The following TMEM106B variants were observed in gnomAD, a reference collection of about 807,000 sequenced individuals.
TMEM106B encodes transmembrane protein 106B.
TMEM106B carries 15 observed loss-of-function variants against 31.1 expected under a neutral mutation model. The observed-to-expected ratio is 0.48, with a 90% CI of 0.32 to 0.74. The LOEUF (loss-of-function observed/expected upper bound fraction) is 0.74, where lower values mean the gene tolerates loss of function less well. TMEM106B is among the 30% of genes least tolerant of loss of function. The pLI, the probability that TMEM106B is intolerant of heterozygous loss-of-function variation, is 0.03. For synonymous variants in TMEM106B, 126 were observed against 112.5 expected (o/e 1.12, Z -0.76); for missense variants, 283 against 327.3 (o/e 0.86, Z 1.04).
At chr7:12,223,965 C>T (rs1443382057) in intron 3 of TMEM106B, among the ~76,000 whole-genome samples, 8 of 151,982 alleles carry the variant, frequency 5.3e-5, no homozygotes, top group Admixed American at 3.3e-4. Flanking sequence ...TTGATACGCC[C>T]GCCTCAGCCT....
chr7:12,232,153 G>A lies in TMEM106B; in HGVS notation c.*178G>A. On this transcript the variant is annotated 3_prime_UTR_variant, in exon 8 of 8. Transcript: ENST00000396668. Reference sequence around the variant, plus strand: ...TTGTAACTCTCCACTCTGTGTTAATGATATATTTGTACTAGGATCTTTTAC... The same window carrying A: ...TTGTAACTCTCCACTCTGTGTTAATAATATATTTGTACTAGGATCTTTTAC... 1 of 476,242 alleles carries A rather than the reference G, an allele frequency of 2.1e-6. No individual in the cohort carries two copies. Among genetic ancestry groups the A allele is most frequent in the South Asian group, 4.7e-5 (1 of 21,094 alleles). 29.5% of individuals were successfully genotyped at this position (476,242 alleles called of 1,614,324 possible). A position where few individuals can be genotyped will look rare whatever the true frequency, so the allele number is the denominator to read the frequency against.
chr7:12,235,796 G>C lies in TMEM106B; in HGVS notation c.*3821G>C, dbSNP rs1368257821. 1 of 151,420 alleles carries C rather than the reference G, an allele frequency of 6.6e-6. No homozygotes were observed. The highest frequency in any genetic ancestry group is 1.9e-4 in the East Asian group (1 of 5,184). The allele number at this position is 151,420 out of a possible 1,614,324, so 9.4% of individuals were successfully genotyped here. The stretch of plus-strand genomic sequence containing the variant: ...ATTTTTAAATTTACAAATACATATG[G>C]GTCTTTGATAAGCAATAGGAATTGA... On this transcript the variant is annotated 3_prime_UTR_variant, in exon 8 of 8. Transcript: ENST00000396668.
At chr7:12,229,938 T>A (rs1308290981) in intron 5 of TMEM106B, 119 bp downstream of exon 5, 6 of 1,132,728 alleles carry the variant, frequency 5.3e-6, no homozygotes, top group Non-Finnish European at 7.4e-6. Flanking sequence ...GTGTCTCTGC[T>A]GGGTACAGTG....
In TMEM106B at chr7:12,234,051, C is replaced by T. The variant is rs1782081628; in HGVS notation, c.*2076C>T. 6.6e-6 allele frequency: 1 copy of T among 151,702 alleles called. No homozygotes were observed. The highest frequency in any genetic ancestry group is 1.5e-5 in the Non-Finnish European group (1 of 67,692). 9.4% of individuals were successfully genotyped at this position (151,702 alleles called of 1,614,324 possible). A position where few individuals can be genotyped will look rare whatever the true frequency, so the allele number is the denominator to read the frequency against. On this transcript the variant is annotated 3_prime_UTR_variant, in exon 8 of 8. Transcript: ENST00000396668. ...CTTTCTATTATGTTCCCATCCTGTC[C>T]TCATGTCCCATTTACTTTATTATCA...
rs1782116261 is a variant in TMEM106B at position 12,235,578 on chromosome 7, C to A, written c.*3603C>A. 3.3e-5 allele frequency: 5 copies of A among 151,730 alleles called. No homozygotes were observed. Among genetic ancestry groups the A allele is most frequent in the African/African-American group, 9.7e-5 (4 of 41,366 alleles). The allele number at this position is 151,730 out of a possible 1,614,324, so 9.4% of individuals were successfully genotyped here. Reference sequence around the variant, plus strand: ...ATATTAGGAGACTTGAAACTTCAGCCTAATAAATCCTTCATGGTTCTTAGC... The same window carrying A: ...ATATTAGGAGACTTGAAACTTCAGCATAATAAATCCTTCATGGTTCTTAGC... On this transcript the variant is annotated 3_prime_UTR_variant, in exon 8 of 8. Transcript: ENST00000396668.
chr7:12,229,776 G>T lies in TMEM106B; in HGVS notation c.539G>T (p.Arg180Leu). 6.2e-7 allele frequency: 1 copy of T among 1,612,298 alleles called. No homozygotes were observed. Among genetic ancestry groups the T allele is most frequent in the Non-Finnish European group, 8.5e-7 (1 of 1,179,384 alleles). ...QFSKTVIGKA[R>L]LNNITIIGPL... is the part of the protein sequence containing the mutation. ...TCAAAAACAGTTATTGGAAAGGCAC[G>T]CTTAAACAACATAACCATTATTGGT... Residue 180 changes from arginine to leucine, a missense_variant, in exon 5 of 8, where the codon CGC (arginine) becomes CTC (leucine). Arg to Leu is a moderately radical substitution (Grantham distance 102, BLOSUM62 -2). Around this residue, in one of 3 missense-constraint regions of TMEM106B, gnomAD observed 201 missense variants for 211.5 expected, o/e 0.95. Coordinates refer to ENST00000396668, the MANE Select transcript of TMEM106B (RefSeq NM_001134232.2).
At chr7:12,213,752 T>A (rs1286415331) in intron 1 of TMEM106B, among the ~76,000 whole-genome samples, 1 of 152,168 alleles carries the variant, frequency 6.6e-6, no homozygotes, top group East Asian at 1.9e-4. Context: ...ATAATCCTAA[T>A]CCAAAAGGTA....
intron 4 of TMEM106B, among the ~76,000 whole-genome samples, chr7:12,225,089 T>A (rs1467038801): frequency 6.6e-6 from 1 of 152,148 alleles, no homozygotes; most frequent in African/African-American, 2.4e-5. Flanking sequence ...CATTGTTCAA[T>A]TCCCACCTAT....
chr7:12,211,518 GA>G (rs1358060304), intron 1 of TMEM106B, 93 bp downstream of exon 1: 3 of 152,728 alleles, frequency 2.0e-5, no homozygotes, highest in Non-Finnish European at 4.4e-5. Flanking sequence ...ACAAGGAGGG[GA>G]GGCCGCTGGG....
chr7:12,229,887 G>A, intron 5 of TMEM106B, 68 bp downstream of exon 5: 1 of 1,482,018 alleles, frequency 6.7e-7, no homozygotes. Context: ...CATATAACTT[G>A]AAGGAGGTGG....
At chr7:12,213,709 G>T (rs781063011) in intron 1 of TMEM106B, among the ~76,000 whole-genome samples, 44 of 152,034 alleles carry the variant, frequency 2.9e-4, no homozygotes, top group Non-Finnish European at 4.3e-4. Flanking sequence ...CTAGTAAATG[G>T]CTCCTTTGTT....
chr7:12,231,972 G>A lies in TMEM106B; in HGVS notation c.822G>A (p.Gln274=). ...ATTTAAATGTACTTCAGCCACAACA[G>A]TAAAAACTGGAAGAGATGGATTTAA... ...SEYLNVLQPQ[Q] is the part of the protein sequence containing the mutation. The change falls in exon 8 of 8, where the codon CAG becomes CAA. Residue 274 remains glutamine, a synonymous_variant. Transcript: ENST00000396668. The A allele has an allele frequency of 6.2e-7, 1 of 1,609,430 alleles. No homozygotes were observed. The highest frequency in any genetic ancestry group is 1.7e-5 in the Admixed American group (1 of 59,728).
chr7:12,229,233 A>G (rs551252281), intron 4 of TMEM106B, among the ~76,000 whole-genome samples: 2 of 152,270 alleles, frequency 1.3e-5, no homozygotes, highest in South Asian at 4.1e-4. Flanking sequence ...AAGCATGTGA[A>G]TGATGCAACC....
rs1437694900 is a variant in TMEM106B, at chr7:12,243,129, G to T, written c.*11154G>T. On this transcript the variant is annotated 3_prime_UTR_variant, in exon 8 of 8. Coordinates refer to ENST00000396668, the MANE Select transcript of TMEM106B (RefSeq NM_001134232.2). ...TAAATATTGTTACTTTACCACTAGT[G>T]ATTTCAATAGTGGCATTGTCACATG... The T allele has an allele frequency of 2.6e-5, 4 of 151,946 alleles. No individual in the cohort carries two copies. Among genetic ancestry groups the T allele is most frequent in the Non-Finnish European group, 2.9e-5 (2 of 67,960 alleles). The allele number at this position is 151,946 out of a possible 1,614,324, so 9.4% of individuals were successfully genotyped here. A position where few individuals can be genotyped will look rare whatever the true frequency, so the allele number is the denominator to read the frequency against.
rs140753733 is a variant in TMEM106B, at chr7:12,224,364, T to C, written c.420T>C (p.Arg140=). ...ATGTCAGTTATGATGTTCAGAAGCG[T>C]ACAATTTATTTAAATATCACAGTGA... ...SAYVSYDVQK[R]TIYLNITNTL... Residue 140 remains arginine (R), a synonymous_variant, in exon 4 of 8, where the codon CGT becomes CGC. Transcript: ENST00000396668. 3 of 1,609,104 alleles carry C rather than the reference T, an allele frequency of 1.9e-6. No homozygotes were observed. In the African/African-American group the frequency reaches 4.0e-5, roughly 22 times the overall value.
intron 1 of TMEM106B, among the ~76,000 whole-genome samples, chr7:12,213,618 T>G (rs1247318404): frequency 6.6e-6 from 1 of 152,166 alleles, no homozygotes; most frequent in Non-Finnish European, 1.5e-5. Flanking sequence ...TGTCAAATGT[T>G]AATGTTTGAA....
intron 2 of TMEM106B, among the ~76,000 whole-genome samples, chr7:12,217,024 G>A (rs530986414): frequency 2.7e-5 from 3 of 109,218 alleles, no homozygotes; most frequent in South Asian, 6.9e-4. Flanking sequence ...GTCAGGAGAG[G>A]GATTTTTTTT....
intron 3 of TMEM106B, among the ~76,000 whole-genome samples, chr7:12,220,901 AAGG>A (rs751984772): frequency 6.6e-6 from 1 of 152,176 alleles, no homozygotes; most frequent in African/African-American, 2.4e-5. Context: ...GGTAAAATGG[AAGG>A]AGAACTATAT....
Position 12,231,977 on chromosome 7 carries a change from A to G in TMEM106B, c.*2A>G. 6 of 1,609,456 alleles carry G rather than the reference A, an allele frequency of 3.7e-6. No individual in the cohort carries two copies. In the South Asian group the frequency reaches 6.6e-5, roughly 18 times the overall value. On this transcript the variant is annotated 3_prime_UTR_variant, in exon 8 of 8. Transcript: ENST00000396668. ...AATGTACTTCAGCCACAACAGTAAA[A>G]ACTGGAAGAGATGGATTTAAAGAAG...
Sources: gnomAD v4.1 joint callset for allele counts (sites outside exome capture counted in the v4.1 genomes callset) on GRCh38, gnomAD v4.1.1 for gene constraint, gnomAD v4.1.1 regional missense constraint, MANE v1.5 for transcripts, NCBI Gene and HGNC (gene_info 2026-07-23, HGNC 2026-07-21) for gene names.